Variants in SH2B2 observed in about 807,000 individuals in gnomAD.
The protein encoded by SH2B2 is SH2B adapter protein 2.
SH2B2 carries 37 observed loss-of-function variants against 35.7 expected under a neutral mutation model. That is an observed-to-expected ratio of 1.04 (90% CI 0.80 to 1.36). The LOEUF (loss-of-function observed/expected upper bound fraction) is 1.36, where lower values mean the gene tolerates loss of function less well. Among genes scored for constraint, SH2B2 ranks in the 40% most tolerant of loss-of-function variants. The pLI is 0.00. For missense variants in SH2B2, 852 were observed against 817.7 expected (o/e 1.04, Z -0.51); for synonymous variants, 383 against 376.4 (o/e 1.02, Z -0.20).
intron 1 of SH2B2, among the ~76,000 whole-genome samples, chr7:102,289,336 AG>A (rs1467702142): frequency 5.9e-5 from 9 of 151,908 alleles, no homozygotes; most frequent in Non-Finnish European, 4.4e-5. Flanking sequence ...GTGGAGGGGC[AG>A]GGGGCAAGGG....
intron 3 of SH2B2, among the ~76,000 whole-genome samples, chr7:102,308,240 A>G (rs782553404): frequency 5.3e-5 from 8 of 152,178 alleles, no homozygotes; most frequent in Non-Finnish European, 7.4e-5. Context: ...AATGGGGGAA[A>G]TGGCTCCTCT....
rs551041249 is a variant in SH2B2 at position 102,317,771 on chromosome 7, G to C, written c.1395+376G>C. On this transcript the variant is annotated intron_variant, in intron 7 of 8. Coordinates refer to ENST00000444095, the MANE Select transcript of SH2B2 (RefSeq NM_001359228.2). ...GGTCTCCACCCAGAGATCGCCCAGT[G>C]GGGGGTGGGAGCCAACCAAGGCCCT... Among the ~76,000 whole-genome samples the C allele has an allele frequency of 8.5e-5, 13 of 152,316 alleles. No homozygotes were observed. The South Asian group carries it at 2.3e-3, about 27-fold the overall frequency.
Position 102,320,566 on chromosome 7 carries a change from G to GACTTCCC in SH2B2, c.1567+64_1567+65insACTTCCC. ...AGACTTCCCGTTGATTACTCAAGAA[G>GACTTCCC]GTGGTCCCTGGGGTGGGATGAGCCC... On this transcript the variant is annotated intron_variant, in intron 8 of 8. Transcript: ENST00000444095. The GACTTCCC allele has an allele frequency of 2.6e-6, 4 of 1,543,220 alleles. No homozygotes were observed. The African/African-American group carries it at 4.1e-5, about 16-fold the overall frequency.
chr7:102,301,559 C>T (rs1000606424), intron 2 of SH2B2, among the ~76,000 whole-genome samples: 1 of 145,156 alleles, frequency 6.9e-6, no homozygotes, highest in South Asian at 2.2e-4. Context: ...TGTGTGTGTC[C>T]GTGTGTGTGT....
At chr7:102,307,310 G>A (rs1554555086) in intron 3 of SH2B2, among the ~76,000 whole-genome samples, 1 of 152,166 alleles carries the variant, frequency 6.6e-6, no homozygotes, top group East Asian at 1.9e-4. Context: ...GCCCCACACC[G>A]CTGCCAGGGT....
At chr7:102,305,200 A>G (rs183642758) in intron 2 of SH2B2, among the ~76,000 whole-genome samples, 5 of 152,286 alleles carry the variant, frequency 3.3e-5, no homozygotes, top group South Asian at 2.1e-4. Flanking sequence ...GTAGTAGGAG[A>G]CCAGCATTTT....
In SH2B2 at chr7:102,320,471, C is replaced by A; in HGVS notation, c.1536C>A (p.Arg512=). 6.2e-7 allele frequency: 1 copy of A among 1,613,778 alleles called. No homozygotes were observed. The highest frequency in any genetic ancestry group is 8.5e-7 in the Non-Finnish European group (1 of 1,179,872). The change falls in exon 8 of 9, where the codon CGC becomes CGA. Residue 512 remains arginine, a synonymous_variant. Transcript: ENST00000444095. ...ESGGSADITL[R]SYVRAQDPPP... ...GGGGCTCGGCCGACATCACCCTTCG[C>A]AGCTATGTGCGGGCCCAGGACCCCC...
At chr7:102,290,602 C>T (rs1475863576) in intron 1 of SH2B2, among the ~76,000 whole-genome samples, 4 of 152,198 alleles carry the variant, frequency 2.6e-5, no homozygotes, top group African/African-American at 9.7e-5. Flanking sequence ...GACCCTCCCA[C>T]CTGGCGTCTG....
chr7:102,302,694 G>A (rs1362663840), intron 2 of SH2B2, among the ~76,000 whole-genome samples: 15 of 152,348 alleles, frequency 9.8e-5, no homozygotes, highest in Non-Finnish European at 1.3e-4. Flanking sequence ...AGAAGAGAGC[G>A]CAGACAGATG....
chr7:102,289,785 G>T (rs1392130014), intron 1 of SH2B2, among the ~76,000 whole-genome samples: 1 of 151,994 alleles, frequency 6.6e-6, no homozygotes, highest in Non-Finnish European at 1.5e-5. Flanking sequence ...TGACACTGGG[G>T]GAGTGGAAGG....
Position 102,321,324 on chromosome 7 carries a change from GC to G in SH2B2, c.1596del (p.Ala533ArgfsTer115). On this transcript the variant is annotated frameshift_variant, in exon 9 of 9. Coordinates refer to ENST00000444095, the MANE Select transcript of SH2B2 (RefSeq NM_001359228.2). LOFTEE classifies it low-confidence loss of function (END_TRUNC). ...PEPGPTPPAA[P>X]ASPACWSDSP... ...AGCCGGGCCCCACGCCCCCTGCCGC[GC>G]CCGCGTCCCCGGCCTGCTGGAGCGA... is the stretch of plus-strand genomic sequence containing the variant. 1 of 1,429,398 alleles carries G rather than the reference GC, an allele frequency of 7.0e-7. No individual in the cohort carries two copies. The allele number at this position is 1,429,398 out of a possible 1,614,324, so 88.5% of individuals were successfully genotyped here. A position where few individuals can be genotyped will look rare whatever the true frequency, so the allele number is the denominator to read the frequency against.
At chr7:102,304,961 C>T (rs1586585348) in intron 2 of SH2B2, among the ~76,000 whole-genome samples, 1 of 152,366 alleles carries the variant, frequency 6.6e-6, no homozygotes, top group East Asian at 1.9e-4. Context: ...TGCTGGGAAT[C>T]TCACTCAGGC....
chr7:102,298,186 T>G (rs1792997902), intron 1 of SH2B2, among the ~76,000 whole-genome samples: 2 of 152,232 alleles, frequency 1.3e-5, no homozygotes, highest in Admixed American at 6.5e-5. Context: ...GCTTTTACTC[T>G]GACTGTAATA....
upstream of SH2B2, chr7:102,286,814 C>CG (rs1449120812): frequency 3.6e-3 from 4 of 1,108 alleles, no homozygotes; most frequent in East Asian, 0.095. Flanking sequence ...GGGCTCGCGG[C>CG]GGGGGCGGGG....
Position 102,300,900 on chromosome 7 carries a change from G to A in SH2B2, c.350G>A (p.Ser117Asn). ...LKAAPYGHSRSSEDVSTHAAT... is the reference protein window; with the variant it reads ...LKAAPYGHSRNSEDVSTHAAT... ...GCGGCGCCCTACGGCCACTCGCGGAGCTCGGAGGACGTGTCCACGCACGCG... is the reference window on the plus strand; with the variant it reads ...GCGGCGCCCTACGGCCACTCGCGGAACTCGGAGGACGTGTCCACGCACGCG... The change falls in exon 2 of 9, where the codon AGC (serine) becomes AAC (asparagine). Residue 117 changes from serine to asparagine, a missense_variant. Coordinates refer to ENST00000444095, the MANE Select transcript of SH2B2 (RefSeq NM_001359228.2). The A allele has an allele frequency of 6.8e-7, 1 of 1,474,640 alleles. No homozygotes were observed. The highest frequency in any genetic ancestry group is 8.9e-7 in the Non-Finnish European group (1 of 1,117,466). 91.3% of individuals were successfully genotyped at this position (1,474,640 alleles called of 1,614,324 possible).
At chr7:102,316,568 C>G (rs11770327) in intron 6 of SH2B2, among the ~76,000 whole-genome samples, 35,444 of 151,214 alleles carry the variant, frequency 0.23, 4,198 homozygotes, top group Middle Eastern at 0.39. Flanking sequence ...GCCTGGGCAA[C>G]AGAGCAAGAC....
chr7:102,302,762 G>T (rs577455349), intron 2 of SH2B2, among the ~76,000 whole-genome samples: 33 of 152,320 alleles, frequency 2.2e-4, no homozygotes, highest in Admixed American at 2.2e-3. Context: ...GCCAGAGCTG[G>T]TCTAACATGG....
chr7:102,320,582 G>A lies in SH2B2; in HGVS notation c.1567+80G>A. On this transcript the variant is annotated intron_variant, in intron 8 of 8. Transcript: ENST00000444095. ...ACTCAAGAAGGTGGTCCCTGGGGTG[G>A]GATGAGCCCCAGGTCTCCTGTCCCA... is the stretch of plus-strand genomic sequence containing the variant. The A allele has an allele frequency of 2.7e-6, 4 of 1,497,842 alleles. No individual in the cohort carries two copies. In the South Asian group the frequency reaches 5.1e-5, roughly 19 times the overall value. 92.8% of individuals were successfully genotyped at this position (1,497,842 alleles called of 1,614,324 possible).
chr7:102,314,729 C>T (rs1793754236), intron 6 of SH2B2, 47 bp downstream of exon 6: 1 of 398,644 alleles, frequency 2.5e-6, no homozygotes, highest in Admixed American at 4.4e-5. Flanking sequence ...TCTCCTGGAC[C>T]CCCACCCCCA....
Sources: gnomAD v4.1 joint callset for allele counts (sites outside exome capture counted in the v4.1 genomes callset) on GRCh38, gnomAD v4.1.1 for gene constraint, MANE v1.5 for transcripts, NCBI Gene and HGNC (gene_info 2026-07-23, HGNC 2026-07-21) for gene names.